KCNAB2: variants seen among roughly 807,000 people sequenced by gnomAD.
KCNAB2 encodes potassium voltage-gated channel subfamily A regulatory beta subunit 2, also known as voltage-gated potassium channel subunit beta-2.
In KCNAB2, 29 loss-of-function variants were observed where a neutral mutation model predicts 63.6. The observed-to-expected ratio is 0.46, with a 90% CI of 0.34 to 0.62. KCNAB2 has a LOEUF of 0.62. KCNAB2 is among the 20% of genes least tolerant of loss of function. The pLI is 0.01. For synonymous variants in KCNAB2, 222 were observed against 224.2 expected, an observed-to-expected ratio of 0.99 and a Z score of 0.09; for missense variants, 359 against 563.9, an observed-to-expected ratio of 0.64 and a Z score of 3.68.
intron 1 of KCNAB2, among the ~76,000 whole-genome samples, chr1:6,013,379 G>T (rs482158): frequency 0.43 from 64,772 of 151,880 alleles, 14,139 homozygotes; most frequent in East Asian, 0.6. Flanking sequence ...GATGAAATTT[G>T]AGCAGGAACC....
intron 1 of KCNAB2, among the ~76,000 whole-genome samples, chr1:6,038,328 T>A (rs896007588): frequency 5.3e-5 from 8 of 152,096 alleles, no homozygotes; most frequent in Admixed American, 4.6e-4. Context: ...TCTTGCTCCA[T>A]CACCCAGGCT....
chr1:6,081,603 AG>A (rs988536900), intron 4 of KCNAB2, among the ~76,000 whole-genome samples: 1 of 152,118 alleles, frequency 6.6e-6, no homozygotes, highest in Non-Finnish European at 1.5e-5. Context: ...TTCCCTGTAA[AG>A]GCTCGGGGGA....
chr1:6,080,779 C>T (rs1376827220), intron 4 of KCNAB2, among the ~76,000 whole-genome samples: 1 of 152,238 alleles, frequency 6.6e-6, no homozygotes. Flanking sequence ...GGGTGCCCCC[C>T]AGTGGTGGCT....
intron 1 of KCNAB2, among the ~76,000 whole-genome samples, chr1:5,995,327 C>T (rs1656884502): frequency 6.6e-6 from 1 of 152,210 alleles, no homozygotes; most frequent in African/African-American, 2.4e-5. Context: ...CCAGGGTCAA[C>T]AGAGGCAGTG....
chr1:6,042,936 C>T (rs935259879), upstream of KCNAB2, among the ~76,000 whole-genome samples: 7 of 150,626 alleles, frequency 4.6e-5, no homozygotes, highest in African/African-American at 1.5e-4. Flanking sequence ...AGTGCCTCCT[C>T]GGAGGTCCTG....
chr1:5,999,084 C>T (rs375770092), intron 1 of KCNAB2, among the ~76,000 whole-genome samples: 104 of 152,384 alleles, frequency 6.8e-4, no homozygotes, highest in African/African-American at 2.4e-3. Context: ...ACGATTTCAA[C>T]GGCGCATTCT....
rs1366649047 is a variant in KCNAB2, at chr1:6,087,880, A to G, written c.470+369A>G. Among the ~76,000 whole-genome samples the G allele has an allele frequency of 6.6e-6, 1 of 152,154 alleles. No homozygotes were observed. The highest frequency in any genetic ancestry group is 1.5e-5 in the Non-Finnish European group (1 of 68,036). On this transcript the variant is annotated intron_variant, in intron 7 of 15. Transcript: ENST00000378083. This position sits in a 1 kb window ranked among gnomAD's most constrained non-coding sequence, Gnocchi z 6.4. Reference sequence around the variant, plus strand: ...TGGTAACATCATAAAAATTATAGAGAAAACAGAAAATTTGTGAACTGCCCA... The same window carrying G: ...TGGTAACATCATAAAAATTATAGAGGAAACAGAAAATTTGTGAACTGCCCA...
At chr1:6,093,239 G>A (rs1022796812) in intron 10 of KCNAB2, among the ~76,000 whole-genome samples, 3 of 152,220 alleles carry the variant, frequency 2.0e-5, no homozygotes, top group African/African-American at 7.2e-5. Context: ...CGTTGTTGCT[G>A]TCTTTAGAAA....
chr1:6,098,356 G>C, intron 15 of KCNAB2, 129 bp from the exon 16 acceptor site: 2 of 1,473,492 alleles, frequency 1.4e-6, no homozygotes, highest in African/African-American at 1.4e-5. Context: ...GCCTCAGATG[G>C]AGCCCAGATG....
chr1:6,047,745 G>A (rs1661048802), intron 1 of KCNAB2, among the ~76,000 whole-genome samples: 1 of 152,212 alleles, frequency 6.6e-6, no homozygotes, highest in Non-Finnish European at 1.5e-5. Flanking sequence ...GCAGCAGGCA[G>A]AAGAGTCCTT....
intron 2 of KCNAB2, among the ~76,000 whole-genome samples, chr1:6,064,342 G>A (rs1232280283): frequency 1.3e-5 from 2 of 152,186 alleles, no homozygotes; most frequent in East Asian, 3.9e-4. Context: ...CATGAGAGCA[G>A]GTGCCTTGTG....
chr1:6,054,513 C>A (rs978549829), intron 2 of KCNAB2, among the ~76,000 whole-genome samples: 6 of 152,084 alleles, frequency 3.9e-5, no homozygotes, highest in Non-Finnish European at 8.8e-5. Flanking sequence ...ACCTGTAGTC[C>A]CAGCTATTCG....
intron 2 of KCNAB2, among the ~76,000 whole-genome samples, chr1:6,058,226 T>G (rs1475831491): frequency 6.6e-6 from 1 of 152,214 alleles, no homozygotes; most frequent in Non-Finnish European, 1.5e-5. Context: ...GCATCTTAAC[T>G]TGATTACATT....
At chr1:6,049,589 G>A (rs141336262) in intron 1 of KCNAB2, among the ~76,000 whole-genome samples, 6 of 152,346 alleles carry the variant, frequency 3.9e-5, no homozygotes, top group Admixed American at 1.3e-4. Context: ...CTGGTTGCTC[G>A]CCTTTAGGGA....
rs776363600 is a variant in KCNAB2 at position 6,072,832 on chromosome 1, A to G, written c.262+34A>G. 9.3e-6 allele frequency: 15 copies of G among 1,609,048 alleles called. No homozygotes were observed. The Admixed American group carries it at 2.0e-4, about 22-fold the overall frequency. Reference sequence around the variant, plus strand: ...GGGGGTCCCCTCCGTCCCACCAGGGAAACAGGCTGTGGGGAGGCCGGGCAT... The same window carrying G: ...GGGGGTCCCCTCCGTCCCACCAGGGGAACAGGCTGTGGGGAGGCCGGGCAT... On this transcript the variant is annotated intron_variant, in intron 3 of 15. Coordinates refer to ENST00000378083, the MANE Select transcript of KCNAB2 (RefSeq NM_001199862.2).
At chr1:6,097,223 C>T in intron 14 of KCNAB2, 46 bp from the exon 15 acceptor site, 1 of 1,504,372 alleles carries the variant, frequency 6.6e-7, no homozygotes, top group Non-Finnish European at 8.9e-7. Context: ...CATCAGGGGC[C>T]CCTGTGGTGG....
rs1480905951 is a variant in KCNAB2, at chr1:5,994,409, C to G, written c.-53+1621C>G. 6.6e-6 allele frequency among the ~76,000 whole-genome samples: 1 copy of G among 152,228 alleles called. No homozygotes were observed. Among genetic ancestry groups the G allele is most frequent in the Non-Finnish European group, 1.5e-5 (1 of 68,044 alleles). ...GGGCCCTAAGAGTGCACTTGGTCCTCCAGGTCCTGTCATTGTCTCCACGGC... is the reference window on the plus strand; with the variant it reads ...GGGCCCTAAGAGTGCACTTGGTCCTGCAGGTCCTGTCATTGTCTCCACGGC... On this transcript the variant is annotated intron_variant, in intron 1 of 16. Coordinates refer to the KCNAB2 transcript ENST00000341524. This position sits in a 1 kb window ranked among gnomAD's most constrained non-coding sequence, Gnocchi z 5.4.
At chr1:6,016,658 C>T (rs189485447) in intron 1 of KCNAB2, among the ~76,000 whole-genome samples, 57 of 152,326 alleles carry the variant, frequency 3.7e-4, no homozygotes, top group South Asian at 2.1e-4. Context: ...GCTGCTCACA[C>T]GCGGTGTGAC....
At chr1:6,050,266 C>A (rs1305975557) in intron 1 of KCNAB2, among the ~76,000 whole-genome samples, 1 of 152,256 alleles carries the variant, frequency 6.6e-6, no homozygotes, top group Non-Finnish European at 1.5e-5. Context: ...GCTGACCCAG[C>A]TGAAATGGTG....
Sources: allele counts gnomAD v4.1 joint callset (sites outside exome capture counted in the v4.1 genomes callset), GRCh38; gene constraint gnomAD v4.1.1; non-coding constraint Gnocchi (gnomAD v3.1); transcripts MANE v1.5; gene names NCBI Gene and HGNC (gene_info 2026-07-23, HGNC 2026-07-21).